FBF1: variants seen among roughly 807,000 people sequenced by gnomAD.
The protein encoded by FBF1 is Fas binding factor 1, also known as fas-binding factor 1.
FBF1 carries 119 observed loss-of-function variants against 147.2 expected under a neutral mutation model. The observed-to-expected ratio is 0.81, with a 90% CI of 0.70 to 0.94. FBF1 has a LOEUF of 0.94. Among genes scored for constraint, FBF1 ranks in the 40% least tolerant of loss-of-function variants. The pLI is 0.00. For synonymous variants in FBF1, 601 were observed against 609.0 expected (o/e 0.99, Z 0.19); for missense variants, 1,449 against 1,500.8 (o/e 0.97, Z 0.57).
intron 10 of FBF1, 74 bp from the exon 11 acceptor site, chr17:75,926,500 T>A: frequency 6.8e-7 from 1 of 1,467,362 alleles, no homozygotes; most frequent in Admixed American, 2.6e-5. Flanking sequence ...GGGTTGGGGG[T>A]GGTTTCTCTG....
At chr17:75,935,785 T>C in intron 3 of FBF1, 112 bp from the exon 4 acceptor site, 2 of 964,126 alleles carry the variant, frequency 2.1e-6, no homozygotes, top group Non-Finnish European at 1.5e-6. Context: ...TGTTGGGACT[T>C]AGGCTTAGCT....
At position 75,923,748 on chromosome 17, in the gene FBF1, G is replaced by T; in HGVS notation, c.969-107C>A. 2 of 1,157,390 alleles carry T rather than the reference G, an allele frequency of 1.7e-6. No homozygotes were observed. The highest frequency in any genetic ancestry group is 2.4e-6 in the Non-Finnish European group (2 of 839,038). The allele number at this position is 1,157,390 out of a possible 1,614,324, so 71.7% of individuals were successfully genotyped here. A position where few individuals can be genotyped will look rare whatever the true frequency, so the allele number is the denominator to read the frequency against. Reference sequence around the variant, plus strand: ...GATGCCCAGGGACCCTGCACAGTCAGCTGAGGCCCAGTGAGCAGTGGCTCC... The same window carrying T: ...GATGCCCAGGGACCCTGCACAGTCATCTGAGGCCCAGTGAGCAGTGGCTCC... On this transcript the variant is annotated intron_variant, in intron 13 of 29. Coordinates refer to ENST00000636174, the MANE Select transcript of FBF1 (RefSeq NM_001319193.2). This position sits in a 1 kb window ranked among gnomAD's most constrained non-coding sequence, Gnocchi z 4.1.
In FBF1 at chr17:75,909,827, A is replaced by C; in HGVS notation, c.*896T>G. 1 of 666,804 alleles carries C rather than the reference A, an allele frequency of 1.5e-6. No homozygotes were observed. Among genetic ancestry groups the C allele is most frequent in the Non-Finnish European group, 2.7e-6 (1 of 363,998 alleles). The allele number at this position is 666,804 out of a possible 1,614,324, so 41.3% of individuals were successfully genotyped here. The stretch of plus-strand genomic sequence containing the variant: ...TAACAGGAAACATTTTCTAAGAAAT[A>C]AGTATAAACTCCGATGAGCCATGGC... On this transcript the variant is annotated 3_prime_UTR_variant, in exon 30 of 30. Coordinates refer to ENST00000636174, the MANE Select transcript of FBF1 (RefSeq NM_001319193.2).
At chr17:75,913,517 A>T in intron 28 of FBF1, 185 bp downstream of exon 28, 1 of 480,796 alleles carries the variant, frequency 2.1e-6, no homozygotes, top group African/African-American at 2.3e-5. Context: ...CATTTTTCAT[A>T]ATAGTGTTCC....
At chr17:75,927,063 G>A (rs2065566702) in intron 9 of FBF1, among the ~76,000 whole-genome samples, 186 bp from the exon 10 acceptor site, 2 of 152,190 alleles carry the variant, frequency 1.3e-5, no homozygotes, top group East Asian at 1.9e-4. Context: ...CGGGCAAGGA[G>A]AGAGGGAGTT....
At chr17:75,911,130 C>T (rs1363549208) in intron 29 of FBF1, among the ~76,000 whole-genome samples, 1 of 152,130 alleles carries the variant, frequency 6.6e-6, no homozygotes, top group African/African-American at 2.4e-5. Context: ...TTAAAAAATA[C>T]ACAAAGCAGG....
Position 75,919,821 on chromosome 17 carries a change from C to T in FBF1, c.1985G>A (p.Arg662Gln), listed in dbSNP as rs374900201. 18 of 1,613,866 alleles carry T rather than the reference C, an allele frequency of 1.1e-5. No homozygotes were observed. Among genetic ancestry groups the T allele is most frequent in the Admixed American group, 3.3e-5 (2 of 60,032 alleles). Reference sequence around the variant, plus strand: ...AGCTGACAGCTCTTCGTTCTCTCTCCGGAGCCGCTCCTCCCGTTGCTGGTA... The same window carrying T: ...AGCTGACAGCTCTTCGTTCTCTCTCTGGAGCCGCTCCTCCCGTTGCTGGTA... The part of the protein sequence containing the change: ...TSYQQREERL[R>Q]RENEELSARY... The change falls in exon 20 of 30, where the codon CGG becomes CAG. Residue 662 changes from arginine to glutamine, a missense_variant. By Grantham distance (43) the Arg-to-Gln change is conservative. Coordinates refer to ENST00000636174, the MANE Select transcript of FBF1 (RefSeq NM_001319193.2). The surrounding 1 kb of genome is among the most constrained non-coding windows in gnomAD (Gnocchi z 5.0).
intron 23 of FBF1, 134 bp downstream of exon 23, chr17:75,917,598 G>A (rs2065495984): frequency 1.3e-6 from 1 of 792,324 alleles, no homozygotes; most frequent in Non-Finnish European, 2.0e-6. Context: ...GGGAGATGTA[G>A]AGGCAGGAAG....
chr17:75,909,612 A>T lies in FBF1; in HGVS notation c.*1111T>A. On this transcript the variant is annotated 3_prime_UTR_variant, in exon 30 of 30. Transcript: ENST00000636174. ...AGGTTATTTAATCTCCCCGGGCCTCAGTTTCTGCATGTTTGAAGCAGGGCT... is the reference window on the plus strand; with the variant it reads ...AGGTTATTTAATCTCCCCGGGCCTCTGTTTCTGCATGTTTGAAGCAGGGCT... 1 of 509,500 alleles carries T rather than the reference A, an allele frequency of 2.0e-6. No homozygotes were observed. 31.6% of individuals were successfully genotyped at this position (509,500 alleles called of 1,614,324 possible). A position where few individuals can be genotyped will look rare whatever the true frequency, so the allele number is the denominator to read the frequency against.
intron 2 of FBF1, 86 bp downstream of exon 2, chr17:75,938,059 CAG>C: frequency 1.3e-6 from 2 of 1,576,690 alleles, no homozygotes; most frequent in Non-Finnish European, 1.7e-6. Flanking sequence ...GCCCAGCCCC[CAG>C]AGTGTTGCAT....
At chr17:75,929,515 G>A (rs2065581666) in intron 7 of FBF1, among the ~76,000 whole-genome samples, 1 of 152,158 alleles carries the variant, frequency 6.6e-6, no homozygotes, top group South Asian at 2.1e-4. Context: ...GGTGTCTTAG[G>A]CCAAGCTAGA....
At position 75,923,492 on chromosome 17, in the gene FBF1, G is replaced by GA; in HGVS notation, c.1117dup (p.Ser373PhefsTer41). Reference sequence around the variant, plus strand: ...TTCCCGATGGGCCTCTCTGGTGGGTGAGGCAGGGAACAGGTCCAAGTCCTC... The same window carrying GA: ...TTCCCGATGGGCCTCTCTGGTGGGTGAAGGCAGGGAACAGGTCCAAGTCCTC... On this transcript the variant is annotated frameshift_variant, in exon 14 of 30. Transcript: ENST00000636174. LOFTEE classifies it high-confidence loss of function. The surrounding 1 kb of genome is among the most constrained non-coding windows in gnomAD (Gnocchi z 4.1). 1.2e-6 allele frequency: 2 copies of GA among 1,607,644 alleles called. No individual in the cohort carries two copies.
intron 10 of FBF1, 56 bp from the exon 11 acceptor site, chr17:75,926,482 T>C: frequency 6.7e-7 from 1 of 1,491,346 alleles, no homozygotes; most frequent in South Asian, 1.4e-5. Context: ...AACTGTGATA[T>C]CTGAATGGGG....
At chr17:75,932,119 G>A (rs966077515) in intron 5 of FBF1, among the ~76,000 whole-genome samples, 1 of 152,136 alleles carries the variant, frequency 6.6e-6, no homozygotes, top group African/African-American at 2.4e-5. Context: ...GGTGGCGCAC[G>A]CCTGTAATAA....
At chr17:75,934,316 A>G (rs531861837) in intron 4 of FBF1, among the ~76,000 whole-genome samples, 1 of 152,326 alleles carries the variant, frequency 6.6e-6, no homozygotes, top group East Asian at 1.9e-4. Context: ...CTGTAATCCC[A>G]ACACTTTGGG....
At chr17:75,932,715 G>A (rs1029579262) in intron 5 of FBF1, among the ~76,000 whole-genome samples, 2 of 152,066 alleles carry the variant, frequency 1.3e-5, no homozygotes, top group Non-Finnish European at 2.9e-5. Flanking sequence ...GTGAAACCTT[G>A]TCTCTACTAA....
Position 75,917,837 on chromosome 17 carries a change from C to T in FBF1, c.2400G>A (p.Arg800=). Residue 800 remains arginine (R), a synonymous_variant, in exon 23 of 30, where the codon CGG becomes CGA. Coordinates refer to ENST00000636174, the MANE Select transcript of FBF1 (RefSeq NM_001319193.2). The part of the protein sequence containing the change: ...RDEQLRALQE[R]LGQQQRDMEE... ...CCATGTCCCGCTGCTGCTGGCCCAG[C>T]CGCTCCTGCAGTGCTGGGGGCAACC... The T allele has an allele frequency of 6.2e-7, 1 of 1,606,206 alleles. No individual in the cohort carries two copies. Among genetic ancestry groups the T allele is most frequent in the Admixed American group, 1.7e-5 (1 of 59,130 alleles).
Position 75,910,506 on chromosome 17 carries a change from TG to T in FBF1, c.*216del. ...CTTTGGGGCAGGGCAGCCAAAGCCA[TG>T]GTAAGATAGCCTACACCACAGAGCC... On this transcript the variant is annotated 3_prime_UTR_variant, in exon 30 of 30. Transcript: ENST00000636174. The surrounding 1 kb of genome is among the most constrained non-coding windows in gnomAD (Gnocchi z 4.1). The T allele has an allele frequency of 1.9e-6, 1 of 537,300 alleles. No homozygotes were observed. Among genetic ancestry groups the T allele is most frequent in the Non-Finnish European group, 3.3e-6 (1 of 300,184 alleles). The allele number at this position is 537,300 out of a possible 1,614,324, so 33.3% of individuals were successfully genotyped here. A position where few individuals can be genotyped will look rare whatever the true frequency, so the allele number is the denominator to read the frequency against.
Position 75,914,033 on chromosome 17 carries a change from G to C in FBF1, c.3009C>G (p.Tyr1003Ter). Reference sequence around the variant, plus strand: ...CGCGCAATGCCCGCTCCCCCTCCTCGTACTTCTCGGAGGCCACCTGCAGGG... The same window carrying C: ...CGCGCAATGCCCGCTCCCCCTCCTCCTACTTCTCGGAGGCCACCTGCAGGG... The part of the protein sequence containing the change: ...ESMSKVASEK[Y>*]EEGERALREA... Residue 1003 changes from tyrosine (Y) to a stop codon, truncating the protein, a stop_gained, in exon 27 of 30, where the codon TAC (tyrosine) becomes TAG (stop). Transcript: ENST00000636174. LOFTEE classifies it high-confidence loss of function. The C allele has an allele frequency of 6.3e-7, 1 of 1,588,520 alleles. No individual in the cohort carries two copies. Among genetic ancestry groups the C allele is most frequent in the Non-Finnish European group, 8.5e-7 (1 of 1,174,618 alleles).
Sources: gnomAD v4.1 joint callset for allele counts (sites outside exome capture counted in the v4.1 genomes callset) on GRCh38, gnomAD v4.1.1 for gene constraint, Gnocchi (gnomAD v3.1) non-coding constraint, MANE v1.5 for transcripts, NCBI Gene and HGNC (gene_info 2026-07-23, HGNC 2026-07-21) for gene names.